The following DENND5A variants were observed in gnomAD, a reference collection of about 807,000 sequenced individuals.
The protein encoded by DENND5A is DENN domain containing 5A.
DENND5A carries 64 observed loss-of-function variants against 140.3 expected under a neutral mutation model. That is an observed-to-expected ratio of 0.46 (90% CI 0.37 to 0.56). DENND5A has a LOEUF of 0.56. Among genes scored for constraint, DENND5A ranks in the 20% least tolerant of loss-of-function variants. The probability of loss-of-function intolerance (pLI) is 0.00; values close to 1 mark genes in which losing one functional copy is unlikely to be tolerated. For missense variants in DENND5A, 1,292 were observed against 1,593.8 expected (o/e 0.81, Z 3.22); for synonymous variants, 605 against 607.7 (o/e 1.00, Z 0.07).
Position 9,150,235 on chromosome 11 carries a change from T to C in DENND5A, c.2607-26A>G, listed in dbSNP as rs766357051. On this transcript the variant is annotated intron_variant, in intron 14 of 22. Coordinates refer to ENST00000328194, the MANE Select transcript of DENND5A (RefSeq NM_015213.4). The stretch of plus-strand genomic sequence containing the variant: ...CTGGAGGAAGAATGTAAAAAGGAAG[T>C]GGAGGGTGGGATGGGAGATGAACTC... 3 of 1,611,004 alleles carry C rather than the reference T, an allele frequency of 1.9e-6. No homozygotes were observed. In the South Asian group the frequency reaches 3.3e-5, roughly 18 times the overall value.
chr11:9,249,469 G>A (rs187480901), intron 1 of DENND5A, among the ~76,000 whole-genome samples: 1 of 152,186 alleles, frequency 6.6e-6, no homozygotes, highest in African/African-American at 2.4e-5. Context: ...AGGCTCAAAC[G>A]ATCCTCCCAG....
chr11:9,187,923 A>G (rs1361120830), intron 5 of DENND5A, among the ~76,000 whole-genome samples: 1 of 152,216 alleles, frequency 6.6e-6, no homozygotes, highest in Non-Finnish European at 1.5e-5. Context: ...TTGGTGGGCT[A>G]GGAAATGTAC....
chr11:9,254,267 G>A (rs865850590), intron 1 of DENND5A, among the ~76,000 whole-genome samples: 2 of 151,486 alleles, frequency 1.3e-5, no homozygotes, highest in African/African-American at 4.9e-5. Context: ...TCGAGGCTCA[G>A]AAACGCCGAG....
intron 16 of DENND5A, 117 bp downstream of exon 16, chr11:9,146,913 C>G: frequency 8.0e-7 from 1 of 1,254,582 alleles, no homozygotes; most frequent in South Asian, 1.4e-5. Flanking sequence ...AGGCAAAAGA[C>G]AAATAGAAAG....
At chr11:9,254,497 G>A (rs571154717) in intron 1 of DENND5A, among the ~76,000 whole-genome samples, 9 of 152,250 alleles carry the variant, frequency 5.9e-5, no homozygotes, top group East Asian at 5.8e-4. Context: ...AACTCTTTCC[G>A]TACTTCAGTA....
chr11:9,179,470 A>G (rs1376464988), intron 6 of DENND5A, among the ~76,000 whole-genome samples: 2 of 151,298 alleles, frequency 1.3e-5, no homozygotes, highest in Admixed American at 6.6e-5. Flanking sequence ...TTTTTCCCTC[A>G]TATCACTTTC....
At chr11:9,220,875 A>G (rs191780586) in intron 1 of DENND5A, among the ~76,000 whole-genome samples, 1 of 152,092 alleles carries the variant, frequency 6.6e-6, no homozygotes, top group African/African-American at 2.4e-5. Flanking sequence ...CTTGGGCGAC[A>G]AAGCGAGACT....
rs1042883918 is a variant in DENND5A, at chr11:9,204,023, T to C, written c.586A>G (p.Ile196Val). ...GAGACGTAGAGAGTGTCCCGGCTAA[T>C]GTCATAGGAGTTGAAGCGCTGCAGT... is the stretch of plus-strand genomic sequence containing the variant. ...TKLQRFNSYD[I>V]SRDTLYVSKC... Residue 196 changes from isoleucine (I) to valine (V), a missense_variant, in exon 4 of 23, where the codon ATT becomes GTT. Around this residue, in one of 4 missense-constraint regions of DENND5A, gnomAD observed 566 missense variants for 650.4 expected, o/e 0.87. Coordinates refer to ENST00000328194, the MANE Select transcript of DENND5A (RefSeq NM_015213.4). 1 of 1,614,114 alleles carries C rather than the reference T, an allele frequency of 6.2e-7. No homozygotes were observed. The highest frequency in any genetic ancestry group is 8.5e-7 in the Non-Finnish European group (1 of 1,180,010).
At position 9,178,125 on chromosome 11, in the gene DENND5A, G is replaced by A. The variant is rs1848605184; in HGVS notation, c.1906+7C>T. 1.9e-6 allele frequency: 3 copies of A among 1,589,950 alleles called. No homozygotes were observed. The highest frequency in any genetic ancestry group is 2.2e-5 in the East Asian group (1 of 44,778). On this transcript the variant is annotated splice_region_variant and intron_variant, in intron 8 of 22. Coordinates refer to ENST00000328194, the MANE Select transcript of DENND5A (RefSeq NM_015213.4). Reference sequence around the variant, plus strand: ...GGCCTGAATGTACATTTCCAAGGAGGCCTTACCTGCTTCATCCACAGTGGT... The same window carrying A: ...GGCCTGAATGTACATTTCCAAGGAGACCTTACCTGCTTCATCCACAGTGGT...
chr11:9,220,892 C>CA (rs1238489253), intron 1 of DENND5A, among the ~76,000 whole-genome samples: 202 of 138,678 alleles, frequency 1.5e-3, no homozygotes, highest in East Asian at 3.4e-3. Flanking sequence ...GACTCTGTCT[C>CA]AAAAAAAAAA....
intron 1 of DENND5A, among the ~76,000 whole-genome samples, chr11:9,217,463 G>A (rs1333202142): frequency 4.0e-5 from 6 of 150,266 alleles, no homozygotes; most frequent in East Asian, 2.0e-4. Flanking sequence ...GCAGTGAGCC[G>A]AGATCTCACC....
chr11:9,152,471 A>G (rs1477431691), intron 12 of DENND5A, 29 bp from the exon 13 acceptor site: 2 of 1,502,626 alleles, frequency 1.3e-6, no homozygotes, highest in Admixed American at 1.7e-5. Context: ...AGAAACACCT[A>G]TCAGTTTAGA....
At chr11:9,140,573 C>A (rs1268301154) in intron 22 of DENND5A, among the ~76,000 whole-genome samples, 1 of 152,184 alleles carries the variant, frequency 6.6e-6, no homozygotes, top group African/African-American at 2.4e-5. Context: ...CCTGATGAAA[C>A]AACTTTGTAC....
chr11:9,164,167 G>A (rs1257781412), intron 11 of DENND5A, among the ~76,000 whole-genome samples: 3 of 131,178 alleles, frequency 2.3e-5, no homozygotes, highest in Non-Finnish European at 3.1e-5. Context: ...AAGTAGCTGG[G>A]ACTAAAGGTG....
intron 1 of DENND5A, among the ~76,000 whole-genome samples, chr11:9,252,600 C>T (rs1002495913): frequency 2.6e-5 from 4 of 151,834 alleles, no homozygotes; most frequent in African/African-American, 4.8e-5. Flanking sequence ...TAGCCAAGAT[C>T]GCACCATTAT....
At chr11:9,246,985 C>T (rs1851501216) in intron 1 of DENND5A, among the ~76,000 whole-genome samples, 1 of 152,126 alleles carries the variant, frequency 6.6e-6, no homozygotes, top group Admixed American at 6.5e-5. Flanking sequence ...AATCCCAGCA[C>T]TCTGGGAGGC....
At chr11:9,247,389 A>C (rs1292702246) in intron 1 of DENND5A, among the ~76,000 whole-genome samples, 1 of 152,140 alleles carries the variant, frequency 6.6e-6, no homozygotes, top group Non-Finnish European at 1.5e-5. Flanking sequence ...GCACTGGGCA[A>C]GCAGACTCCA....
chr11:9,173,107 T>A (rs1848427701), intron 8 of DENND5A, among the ~76,000 whole-genome samples: 1 of 151,758 alleles, frequency 6.6e-6, no homozygotes, highest in Non-Finnish European at 1.5e-5. Flanking sequence ...ATTACAGGAG[T>A]GAGCCACCGC....
At chr11:9,252,506 G>A (rs887051588) in intron 1 of DENND5A, among the ~76,000 whole-genome samples, 1 of 151,976 alleles carries the variant, frequency 6.6e-6, no homozygotes, top group Non-Finnish European at 1.5e-5. Flanking sequence ...AATTAGCCAG[G>A]TGTGGTGGCG....
Sources: allele counts gnomAD v4.1 joint callset (sites outside exome capture counted in the v4.1 genomes callset), GRCh38; gene constraint gnomAD v4.1.1; regional missense constraint gnomAD v4.1.1; transcripts MANE v1.5; gene names NCBI Gene and HGNC (gene_info 2026-07-23, HGNC 2026-07-21).